The following PRKCB variants were observed in gnomAD, a reference collection of about 807,000 sequenced individuals.
PRKCB encodes protein kinase C beta, also known as protein kinase C beta type.
In PRKCB, 13 loss-of-function variants were observed where a neutral mutation model predicts 81.5. The ratio of observed to expected loss-of-function variants is 0.16; its 90% CI spans 0.10 to 0.25. The LOEUF is 0.25. PRKCB is among the 10% of genes least tolerant of loss of function. PRKCB has a pLI of 1.00. For synonymous variants in PRKCB, 335 were observed against 321.4 expected, an observed-to-expected ratio of 1.04 and a Z score of -0.45; for missense variants, 509 against 875.7, an observed-to-expected ratio of 0.58 and a Z score of 5.29.
intron 2 of PRKCB, among the ~76,000 whole-genome samples, chr16:23,900,464 G>T (rs963848837): frequency 3.3e-5 from 5 of 152,064 alleles, no homozygotes; most frequent in Non-Finnish European, 5.9e-5. Context: ...GTACAACAAG[G>T]TATACAGTGA....
intron 3 of PRKCB, among the ~76,000 whole-genome samples, chr16:23,998,769 C>A (rs75035037): frequency 6.6e-6 from 1 of 152,162 alleles, no homozygotes; most frequent in East Asian, 1.9e-4. Context: ...GAGCAGCCAG[C>A]AAGGACAGGT....
In PRKCB at chr16:23,912,909, C is replaced by T. The variant is rs550016195; in HGVS notation, c.205+75503C>T. 9.9e-5 allele frequency among the ~76,000 whole-genome samples: 15 copies of T among 152,038 alleles called. No homozygotes were observed. The South Asian group carries it at 1.2e-3, about 13-fold the overall frequency. ...GTGCAATCAAAGCTCACTGCAGCCT[C>T]GAACTCCTGGGCTCAAGTTGTCCTC... On this transcript the variant is annotated intron_variant, in intron 2 of 16. Transcript: ENST00000643927.
At chr16:24,001,358 A>T (rs1254209824) in intron 3 of PRKCB, among the ~76,000 whole-genome samples, 1 of 152,240 alleles carries the variant, frequency 6.6e-6, no homozygotes, top group Non-Finnish European at 1.5e-5. Context: ...TCACTAAATC[A>T]GGTCAATTAG....
At chr16:23,901,935 G>A (rs1040301706) in intron 2 of PRKCB, among the ~76,000 whole-genome samples, 4 of 152,142 alleles carry the variant, frequency 2.6e-5, no homozygotes, top group African/African-American at 7.2e-5. Context: ...TGCCTTGTTC[G>A]TTATGGTTTC....
intron 2 of PRKCB, among the ~76,000 whole-genome samples, chr16:23,857,793 G>A (rs1452126125): frequency 6.6e-6 from 1 of 152,134 alleles, no homozygotes; most frequent in Non-Finnish European, 1.5e-5. Flanking sequence ...TGGACAGAGA[G>A]GCCAAGGGAA....
At chr16:24,093,443 G>C (rs192882816) in intron 6 of PRKCB, among the ~76,000 whole-genome samples, 1 of 152,306 alleles carries the variant, frequency 6.6e-6, no homozygotes, top group East Asian at 1.9e-4. Context: ...GGCATCAGGA[G>C]TTGGTTATAA....
At chr16:24,045,503 C>T (rs959375824) in intron 5 of PRKCB, among the ~76,000 whole-genome samples, 2 of 152,180 alleles carry the variant, frequency 1.3e-5, no homozygotes, top group African/African-American at 2.4e-5. Flanking sequence ...CTAAACTGCC[C>T]CCTGCCCTCC....
At chr16:24,017,717 A>C (rs1296236220) in intron 3 of PRKCB, among the ~76,000 whole-genome samples, 1 of 152,108 alleles carries the variant, frequency 6.6e-6, no homozygotes, top group African/African-American at 2.4e-5. Context: ...ATAACAGTGA[A>C]CATTTCTTCT....
intron 3 of PRKCB, among the ~76,000 whole-genome samples, chr16:24,031,336 C>T (rs961630481): frequency 1.3e-5 from 2 of 152,160 alleles, no homozygotes; most frequent in Non-Finnish European, 2.9e-5. Context: ...TTGTCCTTTC[C>T]ACATATGGCT....
At position 24,219,549 on chromosome 16, in the gene PRKCB, A is replaced by T; in HGVS notation, c.*4733A>T. 4.0e-6 allele frequency: 4 copies of T among 990,176 alleles called. No homozygotes were observed. Among genetic ancestry groups the T allele is most frequent in the Non-Finnish European group, 4.8e-6 (4 of 833,068 alleles). 61.3% of individuals were successfully genotyped at this position (990,176 alleles called of 1,614,324 possible). ...CTTCTAGCCACCTGGGCTGCTACTG[A>T]ATGGTTTTCTCCAGGACGCTCTACC... is the stretch of plus-strand genomic sequence containing the variant. On this transcript the variant is annotated 3_prime_UTR_variant, in exon 17 of 17. Transcript: ENST00000643927.
intron 2 of PRKCB, among the ~76,000 whole-genome samples, chr16:23,962,181 C>G (rs1295839282): frequency 6.6e-6 from 1 of 152,220 alleles, no homozygotes; most frequent in Non-Finnish European, 1.5e-5. Flanking sequence ...TTGTAGCCTC[C>G]TTTCCCCCAC....
intron 2 of PRKCB, among the ~76,000 whole-genome samples, chr16:23,968,106 G>C (rs1964511971): frequency 6.6e-6 from 1 of 152,090 alleles, no homozygotes; most frequent in African/African-American, 2.4e-5. Context: ...TGGCCTTTGT[G>C]GGTCTTTGAG....
intron 2 of PRKCB, among the ~76,000 whole-genome samples, chr16:23,863,255 T>TACAC (rs57495485): frequency 0.46 from 60,513 of 132,374 alleles, 14,758 homozygotes; most frequent in East Asian, 0.72. Context: ...TATATACACA[T>TACAC]ACACACACAC....
chr16:23,982,036 TC>T (rs1964730599), intron 2 of PRKCB, among the ~76,000 whole-genome samples: 2 of 106,658 alleles, frequency 1.9e-5, no homozygotes, highest in African/African-American at 3.9e-5. Flanking sequence ...CCCTTTCCCT[TC>T]ACCTTCCCCT....
Position 24,089,791 on chromosome 16 carries a change from A to T in PRKCB, c.530-3000A>T, listed in dbSNP as rs193135802. 1.6e-3 allele frequency among the ~76,000 whole-genome samples: 232 copies of T among 146,768 alleles called. 2 individuals carry two copies. The highest frequency in any genetic ancestry group is 4.8e-3 in the African/African-American group (181 of 37,406). On this transcript the variant is annotated intron_variant, in intron 5 of 16. Coordinates refer to ENST00000643927, the MANE Select transcript of PRKCB (RefSeq NM_002738.7). ...CCTTGTCTCTCTCTCTCTCTCTCTC[A>T]CACACACACACACAACAAAAACGTA...
chr16:24,198,668 G>T (rs904285022), intron 16 of PRKCB, among the ~76,000 whole-genome samples: 2 of 152,140 alleles, frequency 1.3e-5, no homozygotes, highest in African/African-American at 4.8e-5. Context: ...TAAAGTGTGT[G>T]TACAATGATC....
chr16:24,024,598 T>A (rs1364344555), intron 3 of PRKCB, among the ~76,000 whole-genome samples: 2 of 152,224 alleles, frequency 1.3e-5, no homozygotes, highest in Admixed American at 1.3e-4. Flanking sequence ...CATAAATGCA[T>A]ACAATTATAA....
At chr16:24,056,605 C>T (rs1248862178) in intron 5 of PRKCB, among the ~76,000 whole-genome samples, 1 of 152,142 alleles carries the variant, frequency 6.6e-6, no homozygotes, top group Non-Finnish European at 1.5e-5. Flanking sequence ...TGGCTTGGTG[C>T]ACTCCATGTC....
At position 24,184,979 on chromosome 16, in the gene PRKCB, C is replaced by T. The variant is rs947100473; in HGVS notation, c.1534-132C>T. 4 of 775,944 alleles carry T rather than the reference C, an allele frequency of 5.2e-6. No individual in the cohort carries two copies. In the African/African-American group the frequency reaches 7.0e-5, roughly 14 times the overall value. 48.1% of individuals were successfully genotyped at this position (775,944 alleles called of 1,614,324 possible). ...AGGTGCCTCTGCAAAGCATGTCTGT[C>T]ATTCCCTGAATAGCTAATATAAAGA... is the stretch of plus-strand genomic sequence containing the variant. On this transcript the variant is annotated intron_variant, in intron 13 of 16. Coordinates refer to ENST00000643927, the MANE Select transcript of PRKCB (RefSeq NM_002738.7).
Sources: allele counts gnomAD v4.1 joint callset (sites outside exome capture counted in the v4.1 genomes callset), GRCh38; gene constraint gnomAD v4.1.1; transcripts MANE v1.5; gene names NCBI Gene and HGNC (gene_info 2026-07-23, HGNC 2026-07-21).